The following UGT2B7 variants were observed in gnomAD, a reference collection of about 807,000 sequenced individuals.
The protein encoded by UGT2B7 is UDP glucuronosyltransferase family 2 member B7.
Under a neutral mutation model 51.9 loss-of-function variants are expected in UGT2B7, and 51 were observed. The ratio of observed to expected loss-of-function variants is 0.98; its 90% CI spans 0.78 to 1.24. The LOEUF (loss-of-function observed/expected upper bound fraction) is 1.24. Among genes scored for constraint, UGT2B7 ranks in the 50% most tolerant of loss-of-function variants. UGT2B7 has a pLI of 0.00. For missense variants in UGT2B7, 727 were observed against 628.4 expected (o/e 1.16, Z -1.68); for synonymous variants, 225 against 211.6 (o/e 1.06, Z -0.55).
intron 1 of UGT2B7, among the ~76,000 whole-genome samples, chr4:69,065,143 A>G (rs747717061): frequency 3.9e-5 from 6 of 152,186 alleles, no homozygotes; most frequent in Non-Finnish European, 7.3e-5. Context: ...CTTTCCATGT[A>G]ATCTGGGGCT....
intron 1 of UGT2B7, among the ~76,000 whole-genome samples, chr4:69,082,186 C>A (rs1370328385): frequency 6.6e-6 from 1 of 151,924 alleles, no homozygotes; most frequent in Non-Finnish European, 1.5e-5. Context: ...TAGTCTCTCT[C>A]CCACACCTCA....
chr4:69,108,285 T>A lies in UGT2B7; in HGVS notation c.1273T>A (p.Leu425Met), dbSNP rs1238352365. 1.3e-5 allele frequency: 21 copies of A among 1,613,490 alleles called. No individual in the cohort carries two copies. The highest frequency in any genetic ancestry group is 8.5e-7 in the Non-Finnish European group (1 of 1,179,620). The part of the protein sequence containing the change: ...VDFNTMSSTD[L>M]LNALKRVIND... Reference sequence around the variant, plus strand: ...CTTCAACACAATGTCGAGTACAGACTTGCTGAATGCATTGAAGAGAGTAAT... The same window carrying A: ...CTTCAACACAATGTCGAGTACAGACATGCTGAATGCATTGAAGAGAGTAAT... The change falls in exon 5 of 6, where the codon TTG becomes ATG. Residue 425 changes from leucine to methionine, a missense_variant. Physicochemically the swap from Leu to Met is conservative, Grantham distance 15 (BLOSUM62 2). Coordinates refer to ENST00000305231, the MANE Select transcript of UGT2B7 (RefSeq NM_001074.4).
chr4:69,093,129 G>T (rs1719125881), upstream of UGT2B7, among the ~76,000 whole-genome samples: 1 of 152,100 alleles, frequency 6.6e-6, no homozygotes, highest in South Asian at 2.1e-4. Flanking sequence ...TCAAATCTCT[G>T]CTGGCCTAAG....
intron 2 of UGT2B7, among the ~76,000 whole-genome samples, chr4:69,100,208 GAC>G (rs1719378627): frequency 6.6e-6 from 1 of 151,926 alleles, no homozygotes; most frequent in Non-Finnish European, 1.5e-5. Context: ...ATAGCTGCCT[GAC>G]ACAGAAGCAC....
In UGT2B7 at chr4:69,112,691, T is replaced by C. The variant is rs149223174; in HGVS notation, c.1545T>C (p.Cys515=). The C allele has an allele frequency of 3.3e-4, 530 of 1,613,802 alleles. No homozygotes were observed. Among genetic ancestry groups the C allele is most frequent in the Non-Finnish European group, 4.0e-4 (470 of 1,179,878 alleles). ...IFIVTKCCLF[C]FWKFARKAKK... ...TCGTCACAAAATGTTGTCTGTTTTG[T>C]TTCTGGAAGTTTGCTAGAAAAGCAA... The change falls in exon 6 of 6, where the codon TGT becomes TGC. Residue 515 remains cysteine (C), a synonymous_variant. Transcript: ENST00000305231.
intron 1 of UGT2B7, among the ~76,000 whole-genome samples, chr4:69,057,609 C>T (rs1718235584): frequency 6.6e-6 from 1 of 152,158 alleles, no homozygotes; most frequent in Non-Finnish European, 1.5e-5. Context: ...ATTACAAAAG[C>T]TCAGACCTTG....
At chr4:69,064,112 A>AAGAGAGAGAGAGAAAGAAAGAAAGAAAG (rs754723956) in intron 1 of UGT2B7, among the ~76,000 whole-genome samples, 2 of 86,798 alleles carry the variant, frequency 2.3e-5, no homozygotes, top group Non-Finnish European at 4.3e-5. Context: ...GAAAGAAAGA[A>AAGAGAGAGAGAGAAAGAAAGAAAGAAAG]AAAGAAAGAA....
intron 2 of UGT2B7, among the ~76,000 whole-genome samples, chr4:69,102,270 A>G (rs541204982): frequency 6.6e-6 from 1 of 152,304 alleles, no homozygotes; most frequent in East Asian, 1.9e-4. Flanking sequence ...GTAGAGAAAC[A>G]TAAATGTAGA....
chr4:69,109,025 G>A (rs1213457899), intron 5 of UGT2B7, among the ~76,000 whole-genome samples: 1 of 151,630 alleles, frequency 6.6e-6, no homozygotes. Flanking sequence ...ATTTCACCTA[G>A]GCTAATTTTT....
At chr4:69,083,115 T>A (rs1718873869) in intron 1 of UGT2B7, among the ~76,000 whole-genome samples, 1 of 151,886 alleles carries the variant, frequency 6.6e-6, no homozygotes, top group African/African-American at 2.4e-5. Context: ...TTAAGCTGAC[T>A]GTTGAGATCT....
chr4:69,053,323 G>A (rs1169477150), intron 1 of UGT2B7, among the ~76,000 whole-genome samples: 1 of 152,014 alleles, frequency 6.6e-6, no homozygotes, highest in African/African-American at 2.4e-5. Flanking sequence ...GGTGCTAAAG[G>A]AAACATTCAT....
chr4:69,059,433 G>A (rs150109576), intron 1 of UGT2B7, among the ~76,000 whole-genome samples: 1 of 152,300 alleles, frequency 6.6e-6, no homozygotes, highest in African/African-American at 2.4e-5. Flanking sequence ...GGCCACAAGG[G>A]AATGTAACTT....
chr4:69,084,330 T>TTCTCTCTCTCTCTCTC (rs71204073), intron 1 of UGT2B7, among the ~76,000 whole-genome samples: 1,820 of 148,118 alleles, frequency 0.012, 28 homozygotes, highest in African/African-American at 0.034. Context: ...TCTATAAATT[T>TTCTCTCTCTCTCTCTC]TCTCTCTCTC....
At chr4:69,089,207 C>T (rs924769360) in intron 1 of UGT2B7, among the ~76,000 whole-genome samples, 1 of 152,106 alleles carries the variant, frequency 6.6e-6, no homozygotes, top group South Asian at 2.1e-4. Context: ...TAGCTATCTA[C>T]CAAATATTAA....
At chr4:69,053,422 G>C (rs561080403) in intron 1 of UGT2B7, among the ~76,000 whole-genome samples, 1 of 152,212 alleles carries the variant, frequency 6.6e-6, no homozygotes, top group Non-Finnish European at 1.5e-5. Context: ...GGTTGAAATA[G>C]ATCAAATATT....
At chr4:69,056,113 T>A (rs1718187821) in intron 1 of UGT2B7, among the ~76,000 whole-genome samples, 1 of 152,136 alleles carries the variant, frequency 6.6e-6, no homozygotes, top group South Asian at 2.1e-4. Flanking sequence ...TTCTTCTTAC[T>A]GCCCATAAAA....
At chr4:69,093,777 C>T (rs2109880979), upstream of UGT2B7, among the ~76,000 whole-genome samples, 1 of 152,288 alleles carries the variant, frequency 6.6e-6, no homozygotes, top group South Asian at 2.1e-4. Context: ...AGGAAATTTT[C>T]CTTGGTTCTG....
chr4:69,112,036 A>G (rs2109897160), intron 5 of UGT2B7, among the ~76,000 whole-genome samples: 1 of 152,292 alleles, frequency 6.6e-6, no homozygotes, highest in East Asian at 1.9e-4. Flanking sequence ...AAAGAAGTAA[A>G]AACTAAAAGG....
At chr4:69,071,482 C>T (rs1184123342) in intron 1 of UGT2B7, among the ~76,000 whole-genome samples, 1 of 152,046 alleles carries the variant, frequency 6.6e-6, no homozygotes, top group Admixed American at 6.6e-5. Flanking sequence ...TTCATTACAG[C>T]CTTTGGACTC....
Sources: allele counts gnomAD v4.1 joint callset (sites outside exome capture counted in the v4.1 genomes callset), GRCh38; gene constraint gnomAD v4.1.1; transcripts MANE v1.5; gene names NCBI Gene and HGNC (gene_info 2026-07-23, HGNC 2026-07-21).